The following CACUL1 variants were observed in gnomAD, a reference collection of about 807,000 sequenced individuals.
CACUL1 encodes the protein CDK2 associated cullin domain 1.
Under a neutral mutation model 45.2 loss-of-function variants are expected in CACUL1, and 13 were observed. That is an observed-to-expected ratio of 0.29 (90% CI 0.19 to 0.46). CACUL1 has a LOEUF of 0.46. Among genes scored for constraint, CACUL1 ranks in the 20% least tolerant of loss-of-function variants. The pLI is 1.00. For missense variants in CACUL1, 421 were observed against 471.4 expected, an observed-to-expected ratio of 0.89 and a Z score of 0.99; for synonymous variants, 197 against 174.2, an observed-to-expected ratio of 1.13 and a Z score of -1.03.
chr10:118,730,360 A>G lies in CACUL1; in HGVS notation c.418T>C (p.Leu140=). The change falls in exon 2 of 9, where the codon TTG becomes CTG. Residue 140 remains leucine, a synonymous_variant. Coordinates refer to ENST00000369151, the MANE Select transcript of CACUL1 (RefSeq NM_153810.5). ...EDYKSTYWPK[L]DGAIDQLLTQ... is the part of the protein sequence containing the mutation. ...AAAAGTTGATCTATGGCACCATCCA[A>G]TTTTGGCCAGTATGTGCTCTTATAA... The G allele has an allele frequency of 1.2e-6, 2 of 1,613,880 alleles. No individual in the cohort carries two copies. The highest frequency in any genetic ancestry group is 1.7e-6 in the Non-Finnish European group (2 of 1,179,758).
chr10:118,723,024 C>A (rs1027983036), intron 3 of CACUL1, among the ~76,000 whole-genome samples: 20 of 152,198 alleles, frequency 1.3e-4, no homozygotes, highest in Non-Finnish European at 1.3e-4. Flanking sequence ...CTACTCTAGA[C>A]ACAGTGCCCA....
intron 1 of CACUL1, among the ~76,000 whole-genome samples, chr10:118,730,614 G>C (rs370836775): frequency 1.4e-4 from 21 of 152,304 alleles, no homozygotes; most frequent in African/African-American, 4.6e-4. Context: ...ATGGATTTAA[G>C]AGAAGTTAGT....
At chr10:118,750,266 C>T (rs1019282618) in intron 1 of CACUL1, among the ~76,000 whole-genome samples, 1 of 151,716 alleles carries the variant, frequency 6.6e-6, no homozygotes, top group African/African-American at 2.4e-5. Flanking sequence ...GCGGAGATTG[C>T]AGTGAGCTAA....
chr10:118,726,883 A>G (rs1449726874), intron 3 of CACUL1, among the ~76,000 whole-genome samples: 7 of 152,168 alleles, frequency 4.6e-5, no homozygotes, highest in African/African-American at 1.7e-4. Flanking sequence ...GCTGAGTGAC[A>G]GAGCTGGAAA....
At position 118,735,843 on chromosome 10, in the gene CACUL1, G is replaced by C. The variant is rs559363318; in HGVS notation, c.368-5433C>G. Among the ~76,000 whole-genome samples the C allele has an allele frequency of 7.9e-5, 12 of 151,882 alleles. No homozygotes were observed. The South Asian group carries it at 1.0e-3, about 13-fold the overall frequency. On this transcript the variant is annotated intron_variant, in intron 1 of 8. Coordinates refer to ENST00000369151, the MANE Select transcript of CACUL1 (RefSeq NM_153810.5). Reference sequence around the variant, plus strand: ...TGGCAATTATAAAATAAATAATTAAGCCAAATTTAAAAGGCTAAATTATGA... The same window carrying C: ...TGGCAATTATAAAATAAATAATTAACCCAAATTTAAAAGGCTAAATTATGA...
chr10:118,679,203 CTT>C lies in CACUL1; in HGVS notation c.*6923_*6924del, dbSNP rs1221599196. ...TAAAAGCAGGTACCACCACGCCCAA[CTT>C]TTTTTGTGTTTTTTTGAGACAGAGT... On this transcript the variant is annotated 3_prime_UTR_variant, in exon 9 of 9. Transcript: ENST00000369151. 6.6e-6 allele frequency: 1 copy of C among 151,734 alleles called. No individual in the cohort carries two copies. The highest frequency in any genetic ancestry group is 2.4e-5 in the African/African-American group (1 of 41,268). The allele number at this position is 151,734 out of a possible 1,614,324, so 9.4% of individuals were successfully genotyped here.
chr10:118,739,683 A>AGT (rs1157717772), intron 1 of CACUL1, among the ~76,000 whole-genome samples: 1 of 152,224 alleles, frequency 6.6e-6, no homozygotes, highest in East Asian at 1.9e-4. Context: ...AATCATTCCA[A>AGT]GTATCTGGGA....
intron 1 of CACUL1, among the ~76,000 whole-genome samples, chr10:118,749,000 G>A (rs938530876): frequency 5.9e-5 from 9 of 152,158 alleles, no homozygotes; most frequent in South Asian, 2.1e-4. Flanking sequence ...TACTTAGTAC[G>A]TGGAGAAATG....
chr10:118,751,785 A>C (rs1845900574), intron 1 of CACUL1, among the ~76,000 whole-genome samples: 1 of 152,234 alleles, frequency 6.6e-6, no homozygotes, highest in Admixed American at 6.5e-5. Context: ...GGAGAAAATT[A>C]GTATTCTTGT....
At chr10:118,702,584 C>CTTTTTT (rs35241397) in intron 4 of CACUL1, among the ~76,000 whole-genome samples, 1 of 138,828 alleles carries the variant, frequency 7.2e-6, no homozygotes, top group Non-Finnish European at 1.6e-5. Context: ...TTTCTTTTTT[C>CTTTTTT]TTTTTTTTTT....
rs769166801 is a variant in CACUL1 at position 118,691,346 on chromosome 10, G to A, written c.944C>T (p.Pro315Leu). The change falls in exon 7 of 9, where the codon CCG becomes CTG. Residue 315 changes from proline to leucine, a missense_variant. Around this residue, in one of 2 missense-constraint regions of CACUL1, gnomAD observed 208 missense variants for 298.4 expected, o/e 0.70. Coordinates refer to ENST00000369151, the MANE Select transcript of CACUL1 (RefSeq NM_153810.5). Reference sequence around the variant, plus strand: ...TTCAGAAAGTTCAGATTCCACCGCCGGAGGGAGAATGTTTGGAATAAATTT... The same window carrying A: ...TTCAGAAAGTTCAGATTCCACCGCCAGAGGGAGAATGTTTGGAATAAATTT... ...FSKFIPNILP[P>L]AVESELSEYA... 1.1e-5 allele frequency: 18 copies of A among 1,611,924 alleles called. No individual in the cohort carries two copies. Among genetic ancestry groups the A allele is most frequent in the African/African-American group, 4.0e-5 (3 of 74,862 alleles).
intron 1 of CACUL1, among the ~76,000 whole-genome samples, chr10:118,739,191 T>G (rs1845769228): frequency 7.2e-6 from 1 of 139,500 alleles, no homozygotes; most frequent in Non-Finnish European, 1.5e-5. Flanking sequence ...GACTCCTCCG[T>G]CTCAAAAAAA....
rs551415462 is a variant in CACUL1 at position 118,746,965 on chromosome 10, G to A, written c.367+7431C>T. 5.9e-5 allele frequency among the ~76,000 whole-genome samples: 9 copies of A among 152,326 alleles called. No homozygotes were observed. In the South Asian group the frequency reaches 1.4e-3, roughly 25 times the overall value. On this transcript the variant is annotated intron_variant, in intron 1 of 8. Coordinates refer to ENST00000369151, the MANE Select transcript of CACUL1 (RefSeq NM_153810.5). ...AAGGAACCAGGCCACACATCAGGAG[G>A]TGAGCTGTGGGCCGGCGAGCATTAC...
At chr10:118,694,232 A>C (rs1845299149) in intron 6 of CACUL1, among the ~76,000 whole-genome samples, 1 of 152,184 alleles carries the variant, frequency 6.6e-6, no homozygotes, top group Non-Finnish European at 1.5e-5. Flanking sequence ...TAGCTTGCTA[A>C]ATTCTGACAG....
chr10:118,720,674 G>A (rs1247360822), intron 3 of CACUL1, among the ~76,000 whole-genome samples: 1 of 152,210 alleles, frequency 6.6e-6, no homozygotes, highest in Non-Finnish European at 1.5e-5. Context: ...GCCAGCATAT[G>A]TTTTTGTAAT....
Position 118,754,708 on chromosome 10 carries a change from C to T in CACUL1, c.55G>A (p.Asp19Asn), listed in dbSNP as rs779236291. 3.7e-6 allele frequency: 6 copies of T among 1,606,166 alleles called. No individual in the cohort carries two copies. In the African/African-American group the frequency reaches 4.1e-5, roughly 11 times the overall value. Residue 19 changes from aspartate to asparagine, a missense_variant, in exon 1 of 9, where the codon GAC (aspartate) becomes AAC (asparagine). Transcript: ENST00000369151. The part of the protein sequence containing the change: ...EGGSYEAMMD[D>N]QNHNNWEAAV... ...GCCTCCCAGTTGTTGTGGTTCTGGTCGTCCATCATCGCCTCGTAGCTGCCC... is the reference window on the plus strand; with the variant it reads ...GCCTCCCAGTTGTTGTGGTTCTGGTTGTCCATCATCGCCTCGTAGCTGCCC...
At chr10:118,739,462 G>A (rs993546767) in intron 1 of CACUL1, among the ~76,000 whole-genome samples, 7 of 152,110 alleles carry the variant, frequency 4.6e-5, no homozygotes, top group Admixed American at 1.3e-4. Flanking sequence ...TTTAATATGC[G>A]TGCTTAAAGT....
chr10:118,737,834 T>C (rs1845754286), intron 1 of CACUL1, among the ~76,000 whole-genome samples: 1 of 152,170 alleles, frequency 6.6e-6, no homozygotes. Flanking sequence ...GGACATGTTA[T>C]GACATACATG....
intron 1 of CACUL1, among the ~76,000 whole-genome samples, chr10:118,731,440 A>G (rs1030636196): frequency 2.6e-5 from 4 of 152,174 alleles, no homozygotes; most frequent in Non-Finnish European, 5.9e-5. Flanking sequence ...TGTACCATCT[A>G]TATCATTTTT....
Sources: allele counts gnomAD v4.1 joint callset (sites outside exome capture counted in the v4.1 genomes callset), GRCh38; gene constraint gnomAD v4.1.1; regional missense constraint gnomAD v4.1.1; transcripts MANE v1.5; gene names NCBI Gene and HGNC (gene_info 2026-07-23, HGNC 2026-07-21).